The following RGL1 variants were observed in gnomAD, a reference collection of about 807,000 sequenced individuals.
RGL1 encodes the protein ral guanine nucleotide dissociation stimulator-like 1.
In RGL1, 24 loss-of-function variants were observed where a neutral mutation model predicts 95.2. The ratio of observed to expected loss-of-function variants is 0.25; its 90% CI spans 0.18 to 0.35. The LOEUF is 0.35. Ranked by LOEUF, RGL1 falls within the 10% of genes least tolerant of loss-of-function variation. The probability of loss-of-function intolerance (pLI) is 1.00; values close to 1 mark genes in which losing one functional copy is unlikely to be tolerated. For synonymous variants in RGL1, 329 were observed against 344.9 expected (o/e 0.95, Z 0.51); for missense variants, 715 against 936.3 (o/e 0.76, Z 3.08).
At position 183,926,397 on chromosome 1, in the gene RGL1, T is replaced by A; in HGVS notation, c.*105T>A. 1 of 929,876 alleles carries A rather than the reference T, an allele frequency of 1.1e-6. No individual in the cohort carries two copies. The highest frequency in any genetic ancestry group is 1.6e-6 in the Non-Finnish European group (1 of 628,828). The allele number at this position is 929,876 out of a possible 1,614,324, so 57.6% of individuals were successfully genotyped here. On this transcript the variant is annotated 3_prime_UTR_variant, in exon 18 of 18. Transcript: ENST00000360851. ...CGGTGTTCGAGGATCATTGGTGAAG[T>A]CAGCAGATATTTATTGAGTTCCTGT... is the stretch of plus-strand genomic sequence containing the variant.
chr1:183,839,171 C>G (rs1369519089), intron 2 of RGL1, among the ~76,000 whole-genome samples: 1 of 152,142 alleles, frequency 6.6e-6, no homozygotes, highest in African/African-American at 2.4e-5. Context: ...ATCCAGATAC[C>G]ATCCTTAGCC....
chr1:183,829,546 A>G (rs1190173879), intron 2 of RGL1, among the ~76,000 whole-genome samples: 7 of 151,672 alleles, frequency 4.6e-5, no homozygotes, highest in African/African-American at 1.2e-4. Flanking sequence ...TTTTTTTCAT[A>G]CAGTTCATTC....
chr1:183,660,319 C>A (rs550322854), intron 1 of RGL1, among the ~76,000 whole-genome samples: 1 of 152,004 alleles, frequency 6.6e-6, no homozygotes, highest in African/African-American at 2.4e-5. Context: ...ACCCATCTCA[C>A]GTGCAGAGAC....
chr1:183,909,705 A>C (rs1430780588), intron 14 of RGL1, among the ~76,000 whole-genome samples: 2 of 152,168 alleles, frequency 1.3e-5, no homozygotes, highest in Non-Finnish European at 2.9e-5. Context: ...ATTTAATAAA[A>C]AATCAAGTTC....
chr1:183,816,779 C>T (rs1328437682), intron 2 of RGL1, among the ~76,000 whole-genome samples: 2 of 152,042 alleles, frequency 1.3e-5, no homozygotes, highest in Non-Finnish European at 2.9e-5. Context: ...CAGAGGCAAT[C>T]TTTTCTACTT....
At chr1:183,639,356 A>T (rs937801924) in intron 1 of RGL1, among the ~76,000 whole-genome samples, 5 of 152,034 alleles carry the variant, frequency 3.3e-5, no homozygotes, top group Admixed American at 3.3e-4. Context: ...TTTGAAATAG[A>T]AGTGCAAAAT....
intron 15 of RGL1, among the ~76,000 whole-genome samples, chr1:183,913,182 C>CTTTTTTTTTTTTTTTTTTTTT (rs537751695): frequency 1.5e-5 from 1 of 68,248 alleles, no homozygotes; most frequent in Non-Finnish European, 2.6e-5. Context: ...GACCAGTCTT[C>CTTTTTTTTTTTTTTTTTTTTT]TTTTTTTTTT....
intron 1 of RGL1, among the ~76,000 whole-genome samples, chr1:183,696,635 T>A (rs1357289256): frequency 6.6e-6 from 1 of 152,186 alleles, no homozygotes; most frequent in African/African-American, 2.4e-5. Context: ...CAAGATAATG[T>A]TCTCTCCAAT....
At chr1:183,801,346 G>T (rs188857713), upstream of RGL1, among the ~76,000 whole-genome samples, 609 of 150,802 alleles carry the variant, frequency 4.0e-3, 3 homozygotes, top group African/African-American at 0.014. Flanking sequence ...TTTAAATTGG[G>T]TTTTTTTTTC....
At chr1:183,843,115 A>G (rs1009392153) in intron 2 of RGL1, among the ~76,000 whole-genome samples, 16 of 152,244 alleles carry the variant, frequency 1.1e-4, no homozygotes, top group African/African-American at 3.6e-4. Flanking sequence ...TAGGATATTT[A>G]GCAGTTCTAC....
At chr1:183,838,922 C>A (rs896780450) in intron 2 of RGL1, among the ~76,000 whole-genome samples, 2 of 152,176 alleles carry the variant, frequency 1.3e-5, no homozygotes, top group Non-Finnish European at 2.9e-5. Context: ...ACATTTGGCT[C>A]GTGCAAGAGG....
intron 1 of RGL1, among the ~76,000 whole-genome samples, chr1:183,694,550 G>C (rs1231579697): frequency 6.6e-6 from 1 of 152,120 alleles, no homozygotes; most frequent in African/African-American, 2.4e-5. Context: ...TCAACATAAA[G>C]CATTTGTCTT....
intron 1 of RGL1, among the ~76,000 whole-genome samples, chr1:183,728,594 T>C (rs1178252800): frequency 6.6e-6 from 1 of 152,204 alleles, no homozygotes; most frequent in East Asian, 1.9e-4. Flanking sequence ...AATTGATTTA[T>C]AGATTTGATG....
At chr1:183,790,169 C>T (rs931917581) in intron 2 of RGL1, among the ~76,000 whole-genome samples, 1 of 152,050 alleles carries the variant, frequency 6.6e-6, no homozygotes, top group South Asian at 2.1e-4. Flanking sequence ...TCAAGTGATG[C>T]ACCTGCCTCA....
intron 1 of RGL1, among the ~76,000 whole-genome samples, chr1:183,729,342 C>G (rs1240294916): frequency 2.6e-5 from 4 of 151,970 alleles, no homozygotes; most frequent in Non-Finnish European, 5.9e-5. Flanking sequence ...CACAGATAGC[C>G]AATATATCCA....
At chr1:183,914,055 T>C (rs539245984) in intron 15 of RGL1, among the ~76,000 whole-genome samples, 1 of 152,352 alleles carries the variant, frequency 6.6e-6, no homozygotes, top group Admixed American at 6.5e-5. Flanking sequence ...AGTCTCATCA[T>C]TCACTTTTTC....
intron 3 of RGL1, among the ~76,000 whole-genome samples, chr1:183,853,010 C>T (rs1341025535): frequency 6.6e-6 from 1 of 152,120 alleles, no homozygotes; most frequent in Non-Finnish European, 1.5e-5. Flanking sequence ...TGAACATTCT[C>T]TCTTTCTGTG....
intron 1 of RGL1, among the ~76,000 whole-genome samples, chr1:183,669,767 G>T (rs1652313518): frequency 1.3e-5 from 2 of 152,136 alleles, no homozygotes; most frequent in Admixed American, 1.3e-4. Flanking sequence ...ATTCCACATG[G>T]CTGGGGAGGC....
intron 2 of RGL1, among the ~76,000 whole-genome samples, chr1:183,837,674 C>T (rs370364732): frequency 6.6e-6 from 1 of 152,144 alleles, no homozygotes; most frequent in African/African-American, 2.4e-5. Flanking sequence ...AAATTGGCTC[C>T]AAATGGAAAT....
Sources: allele counts gnomAD v4.1 joint callset (sites outside exome capture counted in the v4.1 genomes callset), GRCh38; gene constraint gnomAD v4.1.1; transcripts MANE v1.5; gene names NCBI Gene and HGNC (gene_info 2026-07-23, HGNC 2026-07-21).